The following TTLL7 variants were observed in gnomAD, a reference collection of about 807,000 sequenced individuals.
TTLL7 encodes tubulin polyglutamylase TTLL7.
TTLL7 carries 53 observed loss-of-function variants against 120.2 expected under a neutral mutation model. The ratio of observed to expected loss-of-function variants is 0.44; its 90% CI spans 0.35 to 0.55. The LOEUF is 0.55. Ranked by LOEUF, TTLL7 falls within the 20% of genes least tolerant of loss-of-function variation. The pLI is 0.00. For synonymous variants in TTLL7, 353 were observed against 351.7 expected (o/e 1.00, Z -0.04); for missense variants, 803 against 1,054.7 (o/e 0.76, Z 3.31).
At chr1:83,982,367 A>T (rs973959700) in intron 1 of TTLL7, among the ~76,000 whole-genome samples, 1 of 152,102 alleles carries the variant, frequency 6.6e-6, no homozygotes, top group Non-Finnish European at 1.5e-5. Context: ...AGAAATTGCA[A>T]GAGGGAGAAA....
rs550449025 is a variant in TTLL7, at chr1:83,892,453, C to CAT, written c.2209-1974_2209-1973dup. ...ACATATATATGAACATATGAATGAA[C>CAT]ATATATGAACATATATATGAACATA... On this transcript the variant is annotated intron_variant, in intron 18 of 20. Transcript: ENST00000260505. 4.2e-3 allele frequency among the ~76,000 whole-genome samples: 222 copies of CAT among 53,118 alleles called. 17 individuals are homozygous for CAT. Among genetic ancestry groups the CAT allele is most frequent in the African/African-American group, 9.5e-3 (173 of 18,274 alleles). The allele number at this position is 53,118 out of a possible 152,430, so 34.8% of individuals were successfully genotyped here. A position where few individuals can be genotyped will look rare whatever the true frequency, so the allele number is the denominator to read the frequency against.
At chr1:83,933,488 C>A (rs1659773112) in intron 9 of TTLL7, 120 bp downstream of exon 9, 1 of 1,006,460 alleles carries the variant, frequency 9.9e-7, no homozygotes, top group Admixed American at 2.4e-5. Flanking sequence ...CCACTTATTC[C>A]ATTCAGCCTT....
chr1:83,894,795 A>G (rs1343507579), intron 18 of TTLL7, among the ~76,000 whole-genome samples: 1 of 152,082 alleles, frequency 6.6e-6, no homozygotes, highest in Admixed American at 6.6e-5. Context: ...AACTAGGCAC[A>G]TTCTCCTTCC....
chr1:83,954,896 G>A (rs1014774082), intron 1 of TTLL7, among the ~76,000 whole-genome samples: 2 of 148,516 alleles, frequency 1.3e-5, no homozygotes, highest in African/African-American at 2.5e-5. Flanking sequence ...AAAATTTGAC[G>A]GTGAGCACAA....
intron 1 of TTLL7, among the ~76,000 whole-genome samples, chr1:83,989,183 G>A (rs1652756567): frequency 6.6e-6 from 1 of 152,082 alleles, no homozygotes; most frequent in African/African-American, 2.4e-5. Context: ...CTTTACTTTG[G>A]CTAGGTCCCA....
intron 18 of TTLL7, among the ~76,000 whole-genome samples, chr1:83,892,928 G>GAGAAAGAAAGAAAGAAAGAAAGAA (rs1553129435): frequency 4.9e-5 from 5 of 102,714 alleles, no homozygotes; most frequent in African/African-American, 2.8e-4. Context: ...GAAAGAAAAA[G>GAGAAAGAAAGAAAGAAAGAAAGAA]AGAAAGAAAG....
intron 1 of TTLL7, among the ~76,000 whole-genome samples, chr1:83,969,444 C>T (rs990792141): frequency 6.6e-6 from 1 of 151,808 alleles, no homozygotes; most frequent in Non-Finnish European, 1.5e-5. Context: ...TATTAAATTA[C>T]AAAACTGAGT....
At position 83,866,315 on chromosome 1, in the gene TTLL7, T is replaced by C. The variant is rs1652912575; in HGVS notation, c.*3647A>G. 6.6e-6 allele frequency: 1 copy of C among 151,922 alleles called. No individual in the cohort carries two copies. The highest frequency in any genetic ancestry group is 1.5e-5 in the Non-Finnish European group (1 of 67,806). 9.4% of individuals were successfully genotyped at this position (151,922 alleles called of 1,614,324 possible). ...TATGCTTAAATCTAAAGAAATTTTT[T>C]AACTATTAGTACTTTGACATGCTAA... On this transcript the variant is annotated 3_prime_UTR_variant, in exon 21 of 21. Coordinates refer to ENST00000260505, the MANE Select transcript of TTLL7 (RefSeq NM_024686.6).
At chr1:83,921,046 C>T (rs775096627) in intron 12 of TTLL7, 41 bp downstream of exon 12, 1 of 1,556,808 alleles carries the variant, frequency 6.4e-7, no homozygotes, top group Non-Finnish European at 8.7e-7. Context: ...TGCTTTGATA[C>T]TTCATTTTTT....
chr1:83,953,237 C>T (rs549289484), intron 1 of TTLL7, among the ~76,000 whole-genome samples: 35 of 152,232 alleles, frequency 2.3e-4, no homozygotes, highest in African/African-American at 8.2e-4. Flanking sequence ...GGCATTTATG[C>T]CCTAACAATA....
chr1:83,919,017 C>A (rs1424194064), intron 13 of TTLL7, among the ~76,000 whole-genome samples: 1 of 152,012 alleles, frequency 6.6e-6, no homozygotes, highest in African/African-American at 2.4e-5. Context: ...TACCAGCCAG[C>A]TCCCAGATGT....
chr1:83,939,690 A>G (rs1406723642), intron 7 of TTLL7, among the ~76,000 whole-genome samples: 1 of 152,200 alleles, frequency 6.6e-6, no homozygotes, highest in Non-Finnish European at 1.5e-5. Flanking sequence ...CAACCACTAC[A>G]TTGGTAGCAA....
At chr1:83,955,986 C>T (rs997526362) in intron 1 of TTLL7, among the ~76,000 whole-genome samples, 4 of 152,020 alleles carry the variant, frequency 2.6e-5, no homozygotes, top group Middle Eastern at 3.4e-3. Flanking sequence ...GGCAGCAGAG[C>T]GTGTCTTAAA....
At chr1:83,998,012 C>T (rs556360319) in intron 1 of TTLL7, among the ~76,000 whole-genome samples, 1 of 152,268 alleles carries the variant, frequency 6.6e-6, no homozygotes, top group African/African-American at 2.4e-5. Flanking sequence ...AGAAAGTTTA[C>T]AGGTTGTTGT....
intron 20 of TTLL7, among the ~76,000 whole-genome samples, chr1:83,877,006 A>G (rs1314677483): frequency 2.0e-5 from 3 of 152,000 alleles, no homozygotes; most frequent in African/African-American, 7.2e-5. Context: ...GTGTCTCAAC[A>G]CTAGGTATGT....
rs1649139865 is a variant in TTLL7, at chr1:83,952,349, C to T, written c.-138G>A. ...TATCATATTATCTTGGTGGAATCCT[C>T]AGATTTCAGGATACCAAAGTTATGG... On this transcript the variant is annotated 5_prime_UTR_variant, in exon 2 of 21. Coordinates refer to ENST00000260505, the MANE Select transcript of TTLL7 (RefSeq NM_024686.6). The T allele has an allele frequency of 1.2e-6, 1 of 824,958 alleles. No individual in the cohort carries two copies. The highest frequency in any genetic ancestry group is 1.7e-5 in the African/African-American group (1 of 57,288). The allele number at this position is 824,958 out of a possible 1,614,324, so 51.1% of individuals were successfully genotyped here.
chr1:83,997,902 T>G (rs1653630300), intron 1 of TTLL7, among the ~76,000 whole-genome samples: 1 of 152,248 alleles, frequency 6.6e-6, no homozygotes, highest in Non-Finnish European at 1.5e-5. Context: ...GTAGTGTTGT[T>G]CACATATTTT....
chr1:83,921,597 A>C (rs951231871), intron 10 of TTLL7, among the ~76,000 whole-genome samples: 2 of 152,190 alleles, frequency 1.3e-5, no homozygotes, highest in African/African-American at 4.8e-5. Context: ...GAAATTCTGA[A>C]GATACAGAGA....
chr1:83,913,586 C>T (rs1319948604), intron 14 of TTLL7, among the ~76,000 whole-genome samples: 1 of 152,192 alleles, frequency 6.6e-6, no homozygotes, highest in Non-Finnish European at 1.5e-5. Context: ...AAGTTTTGCT[C>T]ACTTTGAACC....
Sources: allele counts gnomAD v4.1 joint callset (sites outside exome capture counted in the v4.1 genomes callset), GRCh38; gene constraint gnomAD v4.1.1; transcripts MANE v1.5; gene names NCBI Gene and HGNC (gene_info 2026-07-23, HGNC 2026-07-21).